Variants in SNW1 observed in about 807,000 individuals in gnomAD.
SNW1 encodes the protein SNW domain containing 1.
SNW1 carries 9 observed loss-of-function variants against 75.6 expected under a neutral mutation model. That is an observed-to-expected ratio of 0.12 (90% CI 0.07 to 0.21). The LOEUF (loss-of-function observed/expected upper bound fraction) is 0.21, where lower values mean the gene tolerates loss of function less well. SNW1 is among the 10% of genes least tolerant of loss of function. The pLI is 1.00. For missense variants in SNW1, 409 were observed against 670.9 expected (o/e 0.61, Z 4.31); for synonymous variants, 200 against 219.1 (o/e 0.91, Z 0.77).
At chr14:77,746,326 G>C (rs1359422883) in intron 3 of SNW1, among the ~76,000 whole-genome samples, 1 of 152,252 alleles carries the variant, frequency 6.6e-6, no homozygotes, top group East Asian at 1.9e-4. Context: ...CAATGAGATG[G>C]TTGCAGGCTT....
Position 77,722,970 on chromosome 14 carries a change from A to G in SNW1, c.1130+211T>C, listed in dbSNP as rs1317730855. 1.2e-5 allele frequency: 6 copies of G among 499,954 alleles called. No individual in the cohort carries two copies. The Admixed American group carries it at 1.9e-4, about 16-fold the overall frequency. The allele number at this position is 499,954 out of a possible 1,614,324, so 31.0% of individuals were successfully genotyped here. A position where few individuals can be genotyped will look rare whatever the true frequency, so the allele number is the denominator to read the frequency against. ...CGCCATTCTCCTGCCTCAGCCTGCC[A>G]AGTAGCTGGGACTACAGGCGCCTGC... On this transcript the variant is annotated intron_variant, in intron 11 of 13. Coordinates refer to ENST00000261531, the MANE Select transcript of SNW1 (RefSeq NM_012245.3).
At chr14:77,721,771 G>A (rs549402151) in intron 11 of SNW1, among the ~76,000 whole-genome samples, 2 of 151,320 alleles carry the variant, frequency 1.3e-5, no homozygotes. Context: ...TTTATGACAC[G>A]GAGTCTCACT....
intron 3 of SNW1, among the ~76,000 whole-genome samples, chr14:77,750,104 G>T (rs1444267285): frequency 6.6e-6 from 1 of 152,214 alleles, no homozygotes; most frequent in Non-Finnish European, 1.5e-5. Flanking sequence ...GAGAGGCTGA[G>T]GTGGGAGGAA....
intron 1 of SNW1, among the ~76,000 whole-genome samples, chr14:77,755,411 A>G (rs1194815503): frequency 6.6e-6 from 1 of 152,152 alleles, no homozygotes; most frequent in Admixed American, 6.6e-5. Context: ...TTAAGCGTTT[A>G]TGCTTCCATA....
In SNW1 at chr14:77,738,877, T is replaced by G. The variant is rs771825128; in HGVS notation, c.434A>C (p.Glu145Ala). 9 of 1,614,006 alleles carry G rather than the reference T, an allele frequency of 5.6e-6. No homozygotes were observed. The South Asian group carries it at 9.9e-5, about 18-fold the overall frequency. Residue 145 changes from glutamate (E) to alanine (A), a missense_variant, in exon 5 of 14, where the codon GAA (glutamate) becomes GCA (alanine). Glu to Ala is a moderately radical substitution (Grantham distance 107). Coordinates refer to ENST00000261531, the MANE Select transcript of SNW1 (RefSeq NM_012245.3). ...PDEEAIKEITEKTRVALEKSV... is the reference protein window; with the variant it reads ...PDEEAIKEITAKTRVALEKSV... ...TTTTTCTAAGGCTACTCTTGTCTTT[T>G]CTGTTATCTGAAATAGGAAATATCA...
intron 8 of SNW1, among the ~76,000 whole-genome samples, chr14:77,733,162 C>G (rs1263336533): frequency 6.6e-6 from 1 of 152,198 alleles, no homozygotes; most frequent in Admixed American, 6.5e-5. Context: ...GTCCATTTCA[C>G]TGATGCTTTG....
In SNW1 at chr14:77,717,863, T is replaced by C. The variant is rs1464997443; in HGVS notation, c.*225A>G. The C allele has an allele frequency of 5.5e-6, 3 of 549,984 alleles. No individual in the cohort carries two copies. Among genetic ancestry groups the C allele is most frequent in the East Asian group, 2.9e-5 (1 of 35,002 alleles). 34.1% of individuals were successfully genotyped at this position (549,984 alleles called of 1,614,324 possible). A position where few individuals can be genotyped will look rare whatever the true frequency, so the allele number is the denominator to read the frequency against. ...TATGTGGGGCAGCATGTTCTATAAA[T>C]GCTGAAAGGTGGGAGAAGCACAAAC... is the stretch of plus-strand genomic sequence containing the variant. On this transcript the variant is annotated 3_prime_UTR_variant, in exon 14 of 14. Coordinates refer to ENST00000261531, the MANE Select transcript of SNW1 (RefSeq NM_012245.3).
chr14:77,738,689 T>C, intron 5 of SNW1, 89 bp downstream of exon 5: 2 of 854,870 alleles, frequency 2.3e-6, no homozygotes, highest in South Asian at 1.5e-5. Context: ...TTTATAATGG[T>C]TGCTAAGTGG....
chr14:77,732,707 C>G, intron 8 of SNW1, 106 bp from the exon 9 acceptor site: 1 of 693,282 alleles, frequency 1.4e-6, no homozygotes, highest in Non-Finnish European at 2.5e-6. Flanking sequence ...CTCTGTCACC[C>G]TGGCTGGAGG....
intron 8 of SNW1, among the ~76,000 whole-genome samples, chr14:77,734,221 A>G (rs544071608): frequency 6.6e-4 from 100 of 152,362 alleles, no homozygotes; most frequent in African/African-American, 2.3e-3. Context: ...ATATAGCTTA[A>G]GCCTTCACTA....
intron 8 of SNW1, among the ~76,000 whole-genome samples, chr14:77,734,368 TACC>T (rs2080652938): frequency 3.3e-5 from 5 of 152,250 alleles, no homozygotes; most frequent in African/African-American, 4.8e-5. Context: ...GTTTTCTAAA[TACC>T]ATCTTGTATT....
chr14:77,747,194 C>T (rs991215326), intron 3 of SNW1, among the ~76,000 whole-genome samples: 5 of 152,226 alleles, frequency 3.3e-5, no homozygotes, highest in African/African-American at 7.2e-5. Context: ...GCCGGGATTG[C>T]AGACGGAGTC....
At chr14:77,751,094 T>C (rs2080803911) in intron 3 of SNW1, among the ~76,000 whole-genome samples, 1 of 152,164 alleles carries the variant, frequency 6.6e-6, no homozygotes, top group Non-Finnish European at 1.5e-5. Flanking sequence ...AACAAGGTAT[T>C]GCCACCCAAG....
intron 7 of SNW1, among the ~76,000 whole-genome samples, chr14:77,735,574 C>T (rs755809288): frequency 3.3e-5 from 5 of 152,132 alleles, no homozygotes; most frequent in African/African-American, 7.3e-5. Context: ...TGAGCCACCA[C>T]GCCCGGCCGA....
intron 7 of SNW1, among the ~76,000 whole-genome samples, chr14:77,735,527 C>T (rs2080663859): frequency 6.6e-6 from 1 of 152,214 alleles, no homozygotes; most frequent in Admixed American, 6.5e-5. Flanking sequence ...AGGTGATCTG[C>T]CCGCCTCGGC....
chr14:77,747,004 T>A (rs188404503), intron 3 of SNW1, among the ~76,000 whole-genome samples: 1 of 150,874 alleles, frequency 6.6e-6, no homozygotes, highest in Admixed American at 6.6e-5. Context: ...CTCGGCTCAC[T>A]GCAACCTCCC....
intron 1 of SNW1, among the ~76,000 whole-genome samples, chr14:77,756,035 A>C (rs953330054): frequency 3.9e-5 from 6 of 151,956 alleles, no homozygotes; most frequent in Admixed American, 1.3e-4. Context: ...CACCACGCCC[A>C]GCCTGTTTCC....
intron 10 of SNW1, among the ~76,000 whole-genome samples, chr14:77,728,099 G>A (rs1385301419): frequency 8.0e-6 from 1 of 125,286 alleles, no homozygotes; most frequent in Non-Finnish European, 1.8e-5. Context: ...AGGAGATACG[G>A]GTGTTCATCA....
At position 77,718,101 on chromosome 14, in the gene SNW1, C is replaced by T. The variant is rs1566824263; in HGVS notation, c.1598G>A (p.Arg533Lys). The change falls in exon 14 of 14, where the codon AGG (arginine) becomes AAG (lysine). Residue 533 changes from arginine (R) to lysine (K), a missense_variant. Physicochemically the swap from Arg to Lys is conservative, Grantham distance 26. Transcript: ENST00000261531. ...PKEHEHEGKK[R>K]RKE The stretch of plus-strand genomic sequence containing the variant: ...AGAGACCTGTGCCTATTCCTTCCTC[C>T]TCTTCTTGCCTTCATGCTCGTGTTC... The T allele has an allele frequency of 2.5e-6, 4 of 1,585,818 alleles. No individual in the cohort carries two copies. The South Asian group carries it at 3.4e-5, about 14-fold the overall frequency.
Sources: gnomAD v4.1 joint callset for allele counts (sites outside exome capture counted in the v4.1 genomes callset) on GRCh38, gnomAD v4.1.1 for gene constraint, MANE v1.5 for transcripts, NCBI Gene and HGNC (gene_info 2026-07-23, HGNC 2026-07-21) for gene names.